Variants in POLA1 observed in about 807,000 individuals in gnomAD.
POLA1 encodes DNA polymerase alpha catalytic subunit.
Under a neutral mutation model 124.0 loss-of-function variants are expected in POLA1, and 15 were observed. The observed-to-expected ratio is 0.12, with a 90% CI of 0.08 to 0.19. The LOEUF is 0.19. Among genes scored for constraint, POLA1 ranks in the 10% least tolerant of loss-of-function variants. POLA1 has a pLI of 1.00. For missense variants in POLA1, 886 were observed against 1,103.4 expected, an observed-to-expected ratio of 0.80 and a Z score of 2.79; for synonymous variants, 408 against 389.4, an observed-to-expected ratio of 1.05 and a Z score of -0.56.
intron 11 of POLA1, among the ~76,000 whole-genome samples, chrX:24,723,778 TCAAA>T (rs1400599428): frequency 8.9e-6 from 1 of 112,555 alleles, no homozygotes; most frequent in Admixed American, 9.3e-5. Flanking sequence ...CCTTCTGGGT[TCAAA>T]CAGTTTTCCT....
intron 26 of POLA1, among the ~76,000 whole-genome samples, chrX:24,771,046 C>G (rs927493101): frequency 9.0e-6 from 1 of 111,373 alleles, no homozygotes; most frequent in African/African-American, 3.3e-5. Context: ...AATTCCATCT[C>G]CTAGTGAGAT....
At chrX:24,858,045 T>A (rs1248888394) in intron 34 of POLA1, among the ~76,000 whole-genome samples, 1 of 112,239 alleles carries the variant, frequency 8.9e-6, no homozygotes, top group Non-Finnish European at 1.9e-5. Context: ...TGTGTACTTA[T>A]AAATAAGAAG....
At chrX:24,897,166 T>C (rs1310705648) in intron 35 of POLA1, among the ~76,000 whole-genome samples, 1 of 111,896 alleles carries the variant, frequency 8.9e-6, no homozygotes, top group Non-Finnish European at 1.9e-5. Context: ...TCTAGAGACC[T>C]ATGTAATCTT....
intron 36 of POLA1, among the ~76,000 whole-genome samples, chrX:24,948,610 C>A (rs1446837452): frequency 1.8e-5 from 2 of 111,674 alleles, no homozygotes; most frequent in African/African-American, 3.2e-5. Context: ...CTGCTGATTC[C>A]TTTGGGTGGG....
At chrX:24,707,731 C>T (rs910618509) in intron 4 of POLA1, among the ~76,000 whole-genome samples, 9 of 112,541 alleles carry the variant, frequency 8.0e-5, no homozygotes, top group Non-Finnish European at 1.3e-4. Flanking sequence ...CGGTGGCTCA[C>T]GCCTGTAATC....
At chrX:24,888,600 GTTTTTTTTT>G (rs869301308) in intron 35 of POLA1, among the ~76,000 whole-genome samples, 2 of 49,169 alleles carry the variant, frequency 4.1e-5, no homozygotes, top group African/African-American at 9.0e-5. Context: ...TTGTTTGCTT[GTTTTTTTTT>G]TTTTTTTTTT....
chrX:24,723,305 G>T, intron 11 of POLA1, 38 bp downstream of exon 11: 1 of 860,432 alleles, frequency 1.2e-6, no homozygotes, highest in Non-Finnish European at 1.7e-6. Context: ...CTCAGTCGTT[G>T]TATCTGCCAC....
At chrX:24,816,262 T>G (rs2045987378) in intron 30 of POLA1, among the ~76,000 whole-genome samples, 2 of 112,382 alleles carry the variant, frequency 1.8e-5, no homozygotes, top group African/African-American at 6.4e-5. Flanking sequence ...TTCACCACAG[T>G]TTTGCATGTA....
At chrX:24,839,363 G>A (rs2046381532) in intron 32 of POLA1, among the ~76,000 whole-genome samples, 1 of 112,236 alleles carries the variant, frequency 8.9e-6, no homozygotes, top group Non-Finnish European at 1.9e-5. Context: ...TTACTGCCAT[G>A]GGAAGATTGA....
At chrX:24,933,215 T>G (rs753827474) in intron 36 of POLA1, among the ~76,000 whole-genome samples, 1 of 111,897 alleles carries the variant, frequency 8.9e-6, no homozygotes, top group Non-Finnish European at 1.9e-5. Flanking sequence ...AGGTCATAGT[T>G]CATAGGGAAC....
At chrX:24,719,646 C>G (rs925109796) in intron 10 of POLA1, among the ~76,000 whole-genome samples, 2 of 111,414 alleles carry the variant, frequency 1.8e-5, no homozygotes, top group Non-Finnish European at 3.8e-5. Flanking sequence ...CTCCCTGGAG[C>G]TGGGCAGCAC....
At position 24,757,729 on chromosome X, in the gene POLA1, G is replaced by A. The variant is rs762068174; in HGVS notation, c.2964+8737G>A. On this transcript the variant is annotated intron_variant, in intron 26 of 36. Transcript: ENST00000379068. ...GCTGGGATTACAGGCATGAGCCACC[G>A]CGCCCAGCCCAAACTCTGAAACTTT... Among the ~76,000 whole-genome samples, 8 of 111,032 alleles carry A rather than the reference G, an allele frequency of 7.2e-5. No homozygotes were observed. In the South Asian group the frequency reaches 1.1e-3, roughly 16 times the overall value.
chrX:24,904,728 A>G (rs982727877), intron 35 of POLA1, among the ~76,000 whole-genome samples: 16 of 111,815 alleles, frequency 1.4e-4, no homozygotes, highest in Admixed American at 6.6e-4. Context: ...AACAGGCCCC[A>G]TAAGGTTGTT....
chrX:24,987,861 G>A (rs2048496076), intron 36 of POLA1, among the ~76,000 whole-genome samples: 1 of 111,731 alleles, frequency 9.0e-6, no homozygotes, highest in African/African-American at 3.3e-5. Flanking sequence ...TATCCAGAAT[G>A]TGATGGTGAC....
intron 34 of POLA1, among the ~76,000 whole-genome samples, chrX:24,886,867 TC>T (rs747937553): frequency 8.9e-6 from 1 of 112,108 alleles, no homozygotes; most frequent in South Asian, 3.8e-4. Flanking sequence ...AGTTGTCTTT[TC>T]TGCCTTCTCT....
At chrX:24,915,033 T>C (rs2047510887) in intron 35 of POLA1, among the ~76,000 whole-genome samples, 1 of 112,130 alleles carries the variant, frequency 8.9e-6, no homozygotes, top group East Asian at 2.8e-4. Context: ...AAGGTTATTT[T>C]GCATTCACAA....
rs186441905 is a variant in POLA1, at chrX:24,702,342, T to G, written c.169-909T>G. Among the ~76,000 whole-genome samples, 1,128 of 112,923 alleles carry G rather than the reference T, an allele frequency of 1.0e-2. 8 individuals are homozygous for G. Among genetic ancestry groups the G allele is most frequent in the Non-Finnish European group, 0.015 (776 of 53,363 alleles). ...CCTGGGCCTCCCAAAGTGCTGGGAT[T>G]ACAGGCGTGAGCCACTGTGCCCAGC... On this transcript the variant is annotated intron_variant, in intron 2 of 36. Coordinates refer to ENST00000379068, the MANE Select transcript of POLA1 (RefSeq NM_001330360.2).
intron 26 of POLA1, among the ~76,000 whole-genome samples, chrX:24,769,596 T>A (rs963180331): frequency 6.3e-5 from 7 of 111,599 alleles, no homozygotes; most frequent in African/African-American, 2.3e-4. Context: ...CCTATCAACA[T>A]CAAGGTGCCA....
At chrX:24,760,922 C>T (rs1932784241) in intron 26 of POLA1, among the ~76,000 whole-genome samples, 1 of 111,649 alleles carries the variant, frequency 9.0e-6, no homozygotes, top group Admixed American at 9.5e-5. Flanking sequence ...GTGCAGCTGT[C>T]CTTGTTTCCT....
Sources: allele counts gnomAD v4.1 joint callset (sites outside exome capture counted in the v4.1 genomes callset), GRCh38; gene constraint gnomAD v4.1.1; transcripts MANE v1.5; gene names NCBI Gene and HGNC (gene_info 2026-07-23, HGNC 2026-07-21).